Variants in LMO7 observed in about 807,000 individuals in gnomAD.
LMO7 encodes the protein LIM domain 7.
In LMO7, 120 loss-of-function variants were observed where a neutral mutation model predicts 206.5. The ratio of observed to expected loss-of-function variants is 0.58; its 90% CI spans 0.50 to 0.68. The LOEUF (loss-of-function observed/expected upper bound fraction) is 0.68. Among genes scored for constraint, LMO7 ranks in the 30% least tolerant of loss-of-function variants. LMO7 has a pLI of 0.00. For synonymous variants in LMO7, 706 were observed against 681.5 expected (o/e 1.04, Z -0.56); for missense variants, 1,959 against 1,957.9 (o/e 1.00, Z -0.01).
chr13:75,675,515 T>C (rs2039931170), intron 1 of LMO7, among the ~76,000 whole-genome samples: 1 of 152,248 alleles, frequency 6.6e-6, no homozygotes, highest in African/African-American at 2.4e-5. Context: ...CTTCATTTTT[T>C]GATGCACATT....
Position 75,805,607 on chromosome 13 carries a change from A to G in LMO7, c.1043A>G (p.Asp348Gly). Residue 348 changes from aspartate to glycine, a missense_variant, in exon 9 of 31, where the codon GAT (aspartate) becomes GGT (glycine). Physicochemically the swap from Asp to Gly is moderately conservative, Grantham distance 94. Coordinates refer to ENST00000377534, the MANE Select transcript of LMO7 (RefSeq NM_001306080.2). ...AGCATACCCAACATTGTAAAGGATGATCTTTATGTGCGCAAGCTCAGTCCA... is the reference window on the plus strand; with the variant it reads ...AGCATACCCAACATTGTAAAGGATGGTCTTTATGTGCGCAAGCTCAGTCCA... ...TRSIPNIVKD[D>G]LYVRKLSPVM... 6 of 1,614,084 alleles carry G rather than the reference A, an allele frequency of 3.7e-6. No individual in the cohort carries two copies. The highest frequency in any genetic ancestry group is 5.1e-6 in the Non-Finnish European group (6 of 1,179,910).
chr13:75,795,168 AATTAT>A (rs1369699926), intron 4 of LMO7, among the ~76,000 whole-genome samples: 1 of 152,210 alleles, frequency 6.6e-6, no homozygotes, highest in East Asian at 1.9e-4. Flanking sequence ...GAAAACTGAC[AATTAT>A]ATTAATGCAT....
chr13:75,691,700 G>A (rs1028727633), intron 1 of LMO7, among the ~76,000 whole-genome samples: 1 of 152,156 alleles, frequency 6.6e-6, no homozygotes, highest in African/African-American at 2.4e-5. Flanking sequence ...GAGAAAAGGG[G>A]CTACTTCCAG....
chr13:75,823,658 A>G lies in LMO7; in HGVS notation c.2734A>G (p.Ser912Gly). Residue 912 changes from serine to glycine, a missense_variant, in exon 15 of 31, where the codon AGC (serine) becomes GGC (glycine). Physicochemically the swap from Ser to Gly is moderately conservative, Grantham distance 56 (BLOSUM62 0). Transcript: ENST00000377534. ...VSTPAPSPDA[S>G]QLASSLSSQK... is the part of the protein sequence containing the mutation. ...CACCCCTGCACCAAGCCCGGACGCA[A>G]GCCAACTGGCTTCAAGCTTATCTAG... is the stretch of plus-strand genomic sequence containing the variant. 1 of 1,614,194 alleles carries G rather than the reference A, an allele frequency of 6.2e-7. No individual in the cohort carries two copies. The highest frequency in any genetic ancestry group is 8.5e-7 in the Non-Finnish European group (1 of 1,180,014).
chr13:75,634,488 C>A (rs768282657), upstream of LMO7, among the ~76,000 whole-genome samples: 27 of 152,020 alleles, frequency 1.8e-4, no homozygotes, highest in Non-Finnish European at 2.9e-4. Flanking sequence ...CGCCTGTAAT[C>A]AAAGCACTTT....
At chr13:75,654,862 C>T (rs866505423) in intron 1 of LMO7, among the ~76,000 whole-genome samples, 1 of 141,698 alleles carries the variant, frequency 7.1e-6, no homozygotes, top group Non-Finnish European at 1.5e-5. Flanking sequence ...ACTACTTTTT[C>T]TTTTCTCTTC....
rs188095967 is a variant in LMO7 at position 75,810,917 on chromosome 13, T to G, written c.1946+1734T>G. On this transcript the variant is annotated intron_variant, in intron 11 of 30. Coordinates refer to ENST00000377534, the MANE Select transcript of LMO7 (RefSeq NM_001306080.2). ...TTAGAGCTAACAGCAGCAAATGTTT[T>G]CTATCCCAAGATAGTTGTTTCGGAT... 3.3e-3 allele frequency among the ~76,000 whole-genome samples: 510 copies of G among 152,348 alleles called. 1 individual carries two copies. Among genetic ancestry groups the G allele is most frequent in the African/African-American group, 0.012 (487 of 41,572 alleles).
chr13:75,855,185 C>T, intron 28 of LMO7, 75 bp from the exon 29 acceptor site: 1 of 823,964 alleles, frequency 1.2e-6, no homozygotes, highest in Non-Finnish European at 2.1e-6. Context: ...GTGTTAATAG[C>T]AGAGTGTGAC....
intron 3 of LMO7, among the ~76,000 whole-genome samples, chr13:75,737,843 A>C (rs1431607440): frequency 5.2e-5 from 1 of 19,402 alleles, no homozygotes; most frequent in Non-Finnish European, 7.8e-5. Flanking sequence ...GGAAGCTGCC[A>C]AAAAAAAAAA....
intron 8 of LMO7, chr13:75,804,909 A>T: frequency 9.8e-7 from 1 of 1,015,788 alleles, no homozygotes. Flanking sequence ...AATTAGCAGA[A>T]CAGAGTGTGG....
intron 3 of LMO7, among the ~76,000 whole-genome samples, chr13:75,741,072 A>G (rs2046370567): frequency 6.6e-6 from 1 of 152,202 alleles, no homozygotes; most frequent in African/African-American, 2.4e-5. Context: ...AGAGACAGTG[A>G]ATGTTAAAGG....
chr13:75,761,249 C>A (rs1297760150), intron 4 of LMO7, among the ~76,000 whole-genome samples: 1 of 152,028 alleles, frequency 6.6e-6, no homozygotes, highest in Admixed American at 6.6e-5. Flanking sequence ...ATAGCATAGT[C>A]TTACTATAAA....
rs1441875353 is a variant in LMO7, at chr13:75,807,773, A to G, written c.1490A>G (p.Asp497Gly). The change falls in exon 10 of 31, where the codon GAT becomes GGT. Residue 497 changes from aspartate (D) to glycine (G), a missense_variant. Coordinates refer to ENST00000377534, the MANE Select transcript of LMO7 (RefSeq NM_001306080.2). ...GAGCAAGATGATTCTGTAGAGCGAG[A>G]TATAATTTTACAGTGTAGAGAAGGT... ...FSEQDDSVERDIILQCREGEL... is the reference protein window; with the variant it reads ...FSEQDDSVERGIILQCREGEL... 1.9e-6 allele frequency: 3 copies of G among 1,613,852 alleles called. No individual in the cohort carries two copies. In the African/African-American group the frequency reaches 4.0e-5, roughly 22 times the overall value.
At position 75,829,925 on chromosome 13, in the gene LMO7, A is replaced by G. The variant is rs1444180750; in HGVS notation, c.2950-3126A>G. On this transcript the variant is annotated intron_variant, in intron 15 of 30. Transcript: ENST00000377534. ...TAATTTGAGGGAAATTTTTTATCTTATACGCTGAGATGATGATAGACAACT... is the reference window on the plus strand; with the variant it reads ...TAATTTGAGGGAAATTTTTTATCTTGTACGCTGAGATGATGATAGACAACT... Among the ~76,000 whole-genome samples the G allele has an allele frequency of 2.6e-5, 4 of 152,100 alleles. 1 individual carries two copies. Among genetic ancestry groups the G allele is most frequent in the Non-Finnish European group, 5.9e-5 (4 of 68,004 alleles).
At chr13:75,657,937 T>C (rs1251740568) in intron 1 of LMO7, among the ~76,000 whole-genome samples, 1 of 152,202 alleles carries the variant, frequency 6.6e-6, no homozygotes, top group Non-Finnish European at 1.5e-5. Context: ...ACAAAGATAT[T>C]CTTCTATATA....
intron 1 of LMO7, among the ~76,000 whole-genome samples, chr13:75,686,471 G>A (rs1383231518): frequency 6.6e-6 from 1 of 151,396 alleles, no homozygotes. Flanking sequence ...TATTTGGGTG[G>A]GGATACAGCC....
At chr13:75,731,765 T>C (rs936917219) in intron 3 of LMO7, among the ~76,000 whole-genome samples, 1 of 152,188 alleles carries the variant, frequency 6.6e-6, no homozygotes, top group Non-Finnish European at 1.5e-5. Flanking sequence ...TGGCGGCTGG[T>C]ATCAGTTGTT....
chr13:75,787,651 A>G (rs2052646119), intron 4 of LMO7, among the ~76,000 whole-genome samples: 1 of 152,132 alleles, frequency 6.6e-6, no homozygotes, highest in South Asian at 2.1e-4. Flanking sequence ...GTCTCCAGGG[A>G]TGATCTTATT....
chr13:75,701,848 C>T (rs1404724199), intron 1 of LMO7, among the ~76,000 whole-genome samples: 1 of 152,140 alleles, frequency 6.6e-6, no homozygotes, highest in African/African-American at 2.4e-5. Context: ...GGTGAACTTA[C>T]CTGGCCCCTA....
Sources: gnomAD v4.1 joint callset for allele counts (sites outside exome capture counted in the v4.1 genomes callset) on GRCh38, gnomAD v4.1.1 for gene constraint, MANE v1.5 for transcripts, NCBI Gene and HGNC (gene_info 2026-07-23, HGNC 2026-07-21) for gene names.